PXYLP1: variants seen among roughly 807,000 people sequenced by gnomAD.
PXYLP1 encodes the protein acid phosphatase-like 2.
Under a neutral mutation model 37.9 loss-of-function variants are expected in PXYLP1, and 17 were observed. That is an observed-to-expected ratio of 0.45 (90% CI 0.31 to 0.67). PXYLP1 has a LOEUF of 0.67. Ranked by LOEUF, PXYLP1 falls within the 30% of genes least tolerant of loss-of-function variation. The probability of loss-of-function intolerance (pLI) is 0.07; values close to 1 mark genes in which losing one functional copy is unlikely to be tolerated. For synonymous variants in PXYLP1, 221 were observed against 232.2 expected, an observed-to-expected ratio of 0.95 and a Z score of 0.44; for missense variants, 511 against 612.0, an observed-to-expected ratio of 0.84 and a Z score of 1.74.
At chr3:141,280,131 A>G (rs912738633) in intron 4 of PXYLP1, among the ~76,000 whole-genome samples, 15 of 152,266 alleles carry the variant, frequency 9.9e-5, no homozygotes, top group African/African-American at 3.6e-4. Flanking sequence ...ATAGTTAGCA[A>G]TAAAATATTG....
intron 1 of PXYLP1, among the ~76,000 whole-genome samples, chr3:141,257,679 A>G (rs139177508): frequency 6.6e-6 from 1 of 152,136 alleles, no homozygotes; most frequent in Non-Finnish European, 1.5e-5. Context: ...TGGCAGGCAG[A>G]TCACCTGAGA....
chr3:141,242,508 A>G (rs1411230706), intron 1 of PXYLP1, among the ~76,000 whole-genome samples: 1 of 152,170 alleles, frequency 6.6e-6, no homozygotes, highest in Non-Finnish European at 1.5e-5. Context: ...GATTGTGATG[A>G]ATGGTTCCAA....
chr3:141,287,571 G>T (rs1422843519), intron 5 of PXYLP1, 118 bp downstream of exon 5: 6 of 1,208,562 alleles, frequency 5.0e-6, no homozygotes, highest in Non-Finnish European at 6.6e-6. Flanking sequence ...GCAAGGACTG[G>T]CTCTGCAAGG....
intron 1 of PXYLP1, among the ~76,000 whole-genome samples, chr3:141,243,368 C>T (rs1559879564): frequency 6.6e-6 from 1 of 152,176 alleles, no homozygotes; most frequent in Non-Finnish European, 1.5e-5. Context: ...TCCAGTCAGG[C>T]GTATGCTGAG....
At chr3:141,242,173 T>C (rs1940818434) in intron 1 of PXYLP1, among the ~76,000 whole-genome samples, 2 of 152,198 alleles carry the variant, frequency 1.3e-5, no homozygotes, top group Non-Finnish European at 2.9e-5. Flanking sequence ...TATGTACTGG[T>C]TGTGCTTGTT....
At chr3:141,250,319 G>T (rs1287417469) in intron 1 of PXYLP1, among the ~76,000 whole-genome samples, 1 of 152,230 alleles carries the variant, frequency 6.6e-6, no homozygotes. Flanking sequence ...GTCATCAGAT[G>T]ATTGTGTTTA....
chr3:141,271,457 TA>T (rs773119499), intron 2 of PXYLP1, among the ~76,000 whole-genome samples: 1 of 152,202 alleles, frequency 6.6e-6, no homozygotes, highest in Non-Finnish European at 1.5e-5. Flanking sequence ...GCTAGGAAGG[TA>T]AACAGATAGT....
intron 2 of PXYLP1, among the ~76,000 whole-genome samples, chr3:141,264,374 G>A (rs1160094293): frequency 6.6e-6 from 1 of 152,220 alleles, no homozygotes; most frequent in East Asian, 1.9e-4. Flanking sequence ...GCAAACTCTG[G>A]AGGGCTGCTC....
At chr3:141,276,081 GTAGCC>G (rs1448938673) in intron 2 of PXYLP1, among the ~76,000 whole-genome samples, 3 of 152,216 alleles carry the variant, frequency 2.0e-5, no homozygotes, top group African/African-American at 4.8e-5. Flanking sequence ...GTTCAGGTTT[GTAGCC>G]TAGGAGCGGC....
At chr3:141,247,942 A>G (rs1343869041) in intron 1 of PXYLP1, among the ~76,000 whole-genome samples, 1 of 151,980 alleles carries the variant, frequency 6.6e-6, no homozygotes, top group Non-Finnish European at 1.5e-5. Flanking sequence ...ATTAAGTTAC[A>G]TCAACCTGGA....
At chr3:141,280,690 C>A (rs1576602646) in intron 4 of PXYLP1, among the ~76,000 whole-genome samples, 1 of 152,212 alleles carries the variant, frequency 6.6e-6, no homozygotes, top group Admixed American at 6.5e-5. Context: ...GCTGCTGACT[C>A]CCCCAGGACT....
At chr3:141,252,284 CT>C (rs1382914232) in intron 1 of PXYLP1, among the ~76,000 whole-genome samples, 18 of 152,146 alleles carry the variant, frequency 1.2e-4, no homozygotes, top group African/African-American at 4.3e-4. Context: ...AGCACACCCC[CT>C]GTGTTAGTCC....
intron 1 of PXYLP1, among the ~76,000 whole-genome samples, chr3:141,233,731 G>A (rs1445653795): frequency 1.3e-5 from 2 of 152,194 alleles, no homozygotes; most frequent in Non-Finnish European, 2.9e-5. Flanking sequence ...GGCCTTTGGA[G>A]CACAGCACTC....
At chr3:141,238,219 G>T (rs1319772140) in intron 1 of PXYLP1, among the ~76,000 whole-genome samples, 1 of 152,224 alleles carries the variant, frequency 6.6e-6, no homozygotes, top group Non-Finnish European at 1.5e-5. Context: ...GAAACTTCTT[G>T]ACCCAAAGAA....
At chr3:141,240,546 C>T (rs1051286557) in intron 1 of PXYLP1, among the ~76,000 whole-genome samples, 1 of 152,052 alleles carries the variant, frequency 6.6e-6, no homozygotes, top group Non-Finnish European at 1.5e-5. Flanking sequence ...AGGGCTCAGT[C>T]GTGTGAGCAT....
chr3:141,279,804 A>G (rs1290112373), intron 4 of PXYLP1, among the ~76,000 whole-genome samples: 1 of 152,180 alleles, frequency 6.6e-6, no homozygotes, highest in Non-Finnish European at 1.5e-5. Context: ...CTGAGTTAAG[A>G]GTCCTCCGCC....
intron 1 of PXYLP1, among the ~76,000 whole-genome samples, chr3:141,237,414 G>A (rs556575731): frequency 3.0e-4 from 46 of 152,332 alleles, no homozygotes; most frequent in Non-Finnish European, 5.3e-4. Context: ...GTGATTGAGT[G>A]TGTACATTCA....
intron 1 of PXYLP1, among the ~76,000 whole-genome samples, chr3:141,257,640 A>G (rs1941290565): frequency 2.0e-5 from 3 of 152,200 alleles, no homozygotes; most frequent in Non-Finnish European, 4.4e-5. Flanking sequence ...AGCCGGGCAC[A>G]GTGGCTCACA....
At chr3:141,286,857 A>C (rs758376445) in intron 4 of PXYLP1, among the ~76,000 whole-genome samples, 5 of 152,252 alleles carry the variant, frequency 3.3e-5, no homozygotes, top group Non-Finnish European at 7.3e-5. Context: ...CCTAGGTAGT[A>C]GCTGTGAGGA....
Sources: gnomAD v4.1 joint callset for allele counts (sites outside exome capture counted in the v4.1 genomes callset) on GRCh38, gnomAD v4.1.1 for gene constraint, MANE v1.5 for transcripts, NCBI Gene and HGNC (gene_info 2026-07-23, HGNC 2026-07-21) for gene names.